The following LRRC19 variants were observed in gnomAD, a reference collection of about 807,000 sequenced individuals.
LRRC19 encodes leucine-rich repeat-containing protein 19.
Under a neutral mutation model 33.3 loss-of-function variants are expected in LRRC19, and 33 were observed. That is an observed-to-expected ratio of 0.99 (90% CI 0.75 to 1.33). The LOEUF (loss-of-function observed/expected upper bound fraction) is 1.33, where lower values mean the gene tolerates loss of function less well. Ranked by LOEUF, LRRC19 falls within the 40% of genes most tolerant of loss-of-function variation. The pLI is 0.00. For missense variants in LRRC19, 463 were observed against 417.3 expected, an observed-to-expected ratio of 1.11 and a Z score of -0.95; for synonymous variants, 184 against 152.3, an observed-to-expected ratio of 1.21 and a Z score of -1.53.
In LRRC19 at chr9:26,995,451, A is replaced by C. The variant is rs1358668443; in HGVS notation, c.*70T>G. ...TGCCAGCTGTATTTTGTTATGTCACATAGCAAAATCTCCATATCTAAACTG... is the reference window on the plus strand; with the variant it reads ...TGCCAGCTGTATTTTGTTATGTCACCTAGCAAAATCTCCATATCTAAACTG... On this transcript the variant is annotated 3_prime_UTR_variant, in exon 5 of 5. Transcript: ENST00000380055. 1 of 862,722 alleles carries C rather than the reference A, an allele frequency of 1.2e-6. No individual in the cohort carries two copies. Among genetic ancestry groups the C allele is most frequent in the African/African-American group, 1.7e-5 (1 of 58,406 alleles). 53.4% of individuals were successfully genotyped at this position (862,722 alleles called of 1,614,324 possible).
chr9:26,999,524 T>C, intron 2 of LRRC19, 90 bp downstream of exon 2: 2 of 952,586 alleles, frequency 2.1e-6, no homozygotes, highest in Non-Finnish European at 1.5e-6. Context: ...CAGATTTTCT[T>C]TGCTTTCTTA....
intron 1 of LRRC19, among the ~76,000 whole-genome samples, chr9:27,004,184 C>T (rs968213457): frequency 1.1e-4 from 16 of 152,082 alleles, no homozygotes; most frequent in Admixed American, 2.6e-4. Context: ...GAAATGGAGA[C>T]GGAGTATGGT....
chr9:26,999,199 T>A (rs1332820981), intron 2 of LRRC19, among the ~76,000 whole-genome samples: 1 of 152,210 alleles, frequency 6.6e-6, no homozygotes, highest in African/African-American at 2.4e-5. Flanking sequence ...TAGTTCTTGT[T>A]TTTACTGAAC....
intron 1 of LRRC19, among the ~76,000 whole-genome samples, chr9:27,004,721 G>T (rs1423168040): frequency 6.6e-6 from 1 of 152,026 alleles, no homozygotes; most frequent in African/African-American, 2.4e-5. Context: ...TGAAATGATA[G>T]TTGAGTTTCA....
In LRRC19 at chr9:26,993,422, A is replaced by G. The variant is rs187312031; in HGVS notation, c.*2099T>C. ...AAGAAACATTAGCCATAATATACTT[A>G]TATCCTTTGTTGAAAACATGTGTCT... On this transcript the variant is annotated 3_prime_UTR_variant, in exon 5 of 5. Transcript: ENST00000380055. 4.4e-4 allele frequency: 67 copies of G among 152,644 alleles called. No homozygotes were observed. Among genetic ancestry groups the G allele is most frequent in the African/African-American group, 1.4e-3 (59 of 41,580 alleles). 9.5% of individuals were successfully genotyped at this position (152,644 alleles called of 1,614,324 possible).
At chr9:27,000,567 A>G (rs777905392) in intron 1 of LRRC19, among the ~76,000 whole-genome samples, 4 of 152,212 alleles carry the variant, frequency 2.6e-5, no homozygotes, top group Non-Finnish European at 5.9e-5. Context: ...GTGCATTCAT[A>G]TAATTTTTAA....
chr9:26,995,779 A>T lies in LRRC19; in HGVS notation c.855T>A (p.Leu285=). The change falls in exon 5 of 5, where the codon CTT becomes CTA. Residue 285 remains leucine (L), a synonymous_variant. Coordinates refer to ENST00000380055, the MANE Select transcript of LRRC19 (RefSeq NM_022901.3). ...GVVVTVLTTS[L]LIFIAIKCPI... is the part of the protein sequence containing the mutation. ...GGCATTTGATAGCAATAAAAATGAG[A>T]AGTGAAGTCGTCAGTACAGTGACAA... is the stretch of plus-strand genomic sequence containing the variant. The T allele has an allele frequency of 6.2e-7, 1 of 1,613,836 alleles. No individual in the cohort carries two copies. Among genetic ancestry groups the T allele is most frequent in the Non-Finnish European group, 8.5e-7 (1 of 1,179,860 alleles).
In LRRC19 at chr9:26,996,419, A is replaced by G; in HGVS notation, c.676T>C (p.Cys226Arg). The G allele has an allele frequency of 1.7e-5, 28 of 1,609,562 alleles. No individual in the cohort carries two copies. The highest frequency in any genetic ancestry group is 2.3e-5 in the Non-Finnish European group (27 of 1,177,042). Residue 226 changes from cysteine to arginine, a missense_variant, in exon 4 of 5, where the codon TGC (cysteine) becomes CGC (arginine). Physicochemically the swap from Cys to Arg is radical, Grantham distance 180. Coordinates refer to ENST00000380055, the MANE Select transcript of LRRC19 (RefSeq NM_022901.3). ...ACTGATGAAGGAAATTTTGAGTGGC[A>G]TTCAGCCTTATGAGGTACTGTTTTG... ...NIKTVPHKAECHSKFPSSVTE... is the reference protein window; with the variant it reads ...NIKTVPHKAERHSKFPSSVTE...
chr9:26,997,753 C>T lies in LRRC19; in HGVS notation c.570G>A (p.Trp190Ter). ...CSCSLFNLQNWLNTSNVTLEN... is the reference protein window; with the variant it reads ...CSCSLFNLQN ...CTAATGTCACATTTGATGTGTTCAA[C>T]CAGTTCTGCAAATTAAATAGACTGC... The change falls in exon 3 of 5, where the codon TGG (tryptophan) becomes TGA (stop). Residue 190 changes from tryptophan (W) to a stop codon, truncating the protein, a stop_gained. Transcript: ENST00000380055. LOFTEE classifies it high-confidence loss of function. The T allele has an allele frequency of 6.2e-7, 1 of 1,609,610 alleles. No homozygotes were observed. Among genetic ancestry groups the T allele is most frequent in the South Asian group, 1.1e-5 (1 of 89,668 alleles).
chr9:27,001,366 G>T (rs971656746), intron 1 of LRRC19, among the ~76,000 whole-genome samples: 32 of 151,904 alleles, frequency 2.1e-4, no homozygotes, highest in South Asian at 4.2e-4. Flanking sequence ...TATATTTTTA[G>T]TTTTTTAAGG....
In LRRC19 at chr9:26,998,071, C is replaced by G. The variant is rs1828263506; in HGVS notation, c.252G>C (p.Lys84Asn). The change falls in exon 3 of 5, where the codon AAG becomes AAC. Residue 84 changes from lysine to asparagine, a missense_variant. Transcript: ENST00000380055. ...AACCGTTATTATGTAAGATAGTAAC[C>G]TTGTTCTCAATCAAATAGAGCTCTG... ...LLTELYLIEN[K>N]VTILHNNGFG... is the part of the protein sequence containing the mutation. The G allele has an allele frequency of 1.9e-6, 3 of 1,613,248 alleles. No individual in the cohort carries two copies. The highest frequency in any genetic ancestry group is 1.7e-4 in the Middle Eastern group (1 of 6,056).
Position 27,000,641 on chromosome 9 carries a change from A to G in LRRC19, c.-9-938T>C, listed in dbSNP as rs185111053. On this transcript the variant is annotated intron_variant, in intron 1 of 4. Transcript: ENST00000380055. ...ATATTTGTCTTTTCTTTATAATGGA[A>G]ACATTCAAATTCTCTTCTAGCTGTT... Among the ~76,000 whole-genome samples, 123 of 152,320 alleles carry G rather than the reference A, an allele frequency of 8.1e-4. 1 individual carries two copies. The highest frequency in any genetic ancestry group is 2.8e-3 in the African/African-American group (118 of 41,570).
intron 1 of LRRC19, among the ~76,000 whole-genome samples, chr9:27,002,186 C>T (rs1173113871): frequency 6.6e-6 from 1 of 152,154 alleles, no homozygotes; most frequent in Non-Finnish European, 1.5e-5. Context: ...GGCTGGAGTG[C>T]AGTGATGCCA....
Position 26,995,538 on chromosome 9 carries a change from A to G in LRRC19, c.1096T>C (p.Leu366=). ...GAAAGAAATTAATTTTCTTCACATA[A>G]TTCATGGATATCTATATATTTGTCT... ...IEDKYIDIHE[L]CEEN is the part of the protein sequence containing the mutation. The change falls in exon 5 of 5, where the codon TTA becomes CTA. Residue 366 remains leucine, a synonymous_variant. Coordinates refer to ENST00000380055, the MANE Select transcript of LRRC19 (RefSeq NM_022901.3). 6.4e-7 allele frequency: 1 copy of G among 1,560,752 alleles called. No homozygotes were observed. The highest frequency in any genetic ancestry group is 1.2e-5 in the South Asian group (1 of 86,022).
intron 2 of LRRC19, among the ~76,000 whole-genome samples, 162 bp downstream of exon 2, chr9:26,999,452 C>G (rs1256635554): frequency 1.3e-5 from 2 of 152,108 alleles, no homozygotes; most frequent in South Asian, 4.1e-4. Flanking sequence ...TAAATGAAGG[C>G]TGCTTTTGTC....
chr9:26,995,885 A>T, intron 4 of LRRC19, 36 bp from the exon 5 acceptor site: 1 of 1,485,142 alleles, frequency 6.7e-7, no homozygotes, highest in South Asian at 1.4e-5. Flanking sequence ...AGAGAAAGAA[A>T]ATTTGTTAAG....
chr9:26,998,346 G>GA (rs926676241), intron 2 of LRRC19, 105 bp from the exon 3 acceptor site: 96 of 631,328 alleles, frequency 1.5e-4, no homozygotes, highest in African/African-American at 1.0e-3. Flanking sequence ...GTTATTTTGG[G>GA]AAAAAAACCT....
At chr9:27,000,403 G>A (rs974160634) in intron 1 of LRRC19, among the ~76,000 whole-genome samples, 1 of 152,010 alleles carries the variant, frequency 6.6e-6, no homozygotes, top group Non-Finnish European at 1.5e-5. Flanking sequence ...TTCAATTTTA[G>A]GCATTATCTA....
At chr9:26,999,286 A>T (rs972792206) in intron 2 of LRRC19, among the ~76,000 whole-genome samples, 1 of 152,196 alleles carries the variant, frequency 6.6e-6, no homozygotes, top group African/African-American at 2.4e-5. Context: ...TTCACCAATA[A>T]TAATTCAATA....
Sources: allele counts gnomAD v4.1 joint callset (sites outside exome capture counted in the v4.1 genomes callset), GRCh38; gene constraint gnomAD v4.1.1; transcripts MANE v1.5; gene names NCBI Gene and HGNC (gene_info 2026-07-23, HGNC 2026-07-21).